Variants in TXLNB observed in about 807,000 individuals in gnomAD.
TXLNB encodes the protein taxilin beta.
TXLNB carries 37 observed loss-of-function variants against 57.4 expected under a neutral mutation model. That is an observed-to-expected ratio of 0.64 (90% confidence interval 0.50 to 0.85). TXLNB has a LOEUF of 0.85. TXLNB is among the 40% of genes least tolerant of loss of function. The probability of loss-of-function intolerance (pLI) is 0.00; values close to 1 mark genes in which losing one functional copy is unlikely to be tolerated. For missense variants in TXLNB, 848 were observed against 825.6 expected, an observed-to-expected ratio of 1.03 and a Z score of -0.33; for synonymous variants, 302 against 309.6, an observed-to-expected ratio of 0.98 and a Z score of 0.26.
the TXLNB span, chr6:139,166,913 G>T: frequency 6.2e-7 from 1 of 1,613,994 alleles, no homozygotes; most frequent in Non-Finnish European, 8.5e-7. Flanking sequence ...CTTAAAGAAC[G>T]CCATCCATCT....
At chr6:139,264,920 A>G (rs1776576438) in intron 4 of TXLNB, among the ~76,000 whole-genome samples, 2 of 152,168 alleles carry the variant, frequency 1.3e-5, no homozygotes. Context: ...ATTTGAGTCC[A>G]TTGTTAGAAG....
At chr6:139,206,588 A>C in the TXLNB span, among the ~76,000 whole-genome samples, 1 of 152,184 alleles carries the variant, frequency 6.6e-6, no homozygotes, top group Non-Finnish European at 1.5e-5. Flanking sequence ...GAATCGCTTC[A>C]ACCCAGGAGG....
the TXLNB span, among the ~76,000 whole-genome samples, chr6:139,190,802 G>A: frequency 6.6e-6 from 1 of 152,116 alleles, no homozygotes; most frequent in African/African-American, 2.4e-5. Context: ...CTTTTCACAG[G>A]TGTTGAAGGT....
the TXLNB span, among the ~76,000 whole-genome samples, chr6:139,187,846 C>T: frequency 6.6e-6 from 1 of 152,184 alleles, no homozygotes; most frequent in South Asian, 2.1e-4. Context: ...CCTTACTTCC[C>T]TCACCTGTAA....
Position 139,248,056 on chromosome 6 carries a change from T to C in TXLNB, c.1078-147A>G, listed in dbSNP as rs141231026. The C allele has an allele frequency of 2.4e-3, 1,134 of 466,780 alleles. 10 individuals carry two copies. Among genetic ancestry groups the C allele is most frequent in the African/African-American group, 0.021 (1,040 of 49,470 alleles). The allele number at this position is 466,780 out of a possible 1,614,324, so 28.9% of individuals were successfully genotyped here. A position where few individuals can be genotyped will look rare whatever the true frequency, so the allele number is the denominator to read the frequency against. Reference sequence around the variant, plus strand: ...CAAGATTAACCTAGGCCAGTGAGCATGATTGAAATGCTTCTTTAAAGAAAA... The same window carrying C: ...CAAGATTAACCTAGGCCAGTGAGCACGATTGAAATGCTTCTTTAAAGAAAA... On this transcript the variant is annotated intron_variant, in intron 7 of 9. Transcript: ENST00000358430.
At chr6:139,299,457 G>A in the TXLNB span, among the ~76,000 whole-genome samples, 1 of 152,210 alleles carries the variant, frequency 6.6e-6, no homozygotes, top group African/African-American at 2.4e-5. Context: ...ACTGTTAATA[G>A]TCCCAACTTT....
At position 139,288,811 on chromosome 6, in the gene TXLNB, A is replaced by C; in HGVS notation, c.89T>G (p.Leu30Arg). ...DSSSLPSHNGLEKEDGQDSPT... is the reference protein window; with the variant it reads ...DSSSLPSHNGREKEDGQDSPT... The stretch of plus-strand genomic sequence containing the variant: ...AGAATCCTGGCCATCTTCCTTCTCC[A>C]GGCCATTGTGACTGGGTAATGATGA... The change falls in exon 2 of 10, where the codon CTG becomes CGG. Residue 30 changes from leucine (L) to arginine (R), a missense_variant. Physicochemically the swap from Leu to Arg is moderately radical, Grantham distance 102. Transcript: ENST00000358430. 6.2e-7 allele frequency: 1 copy of C among 1,614,194 alleles called. No homozygotes were observed.
the TXLNB span, among the ~76,000 whole-genome samples, chr6:139,217,621 C>T: frequency 6.6e-6 from 1 of 151,998 alleles, no homozygotes; most frequent in Non-Finnish European, 1.5e-5. Context: ...GTAATCCTGG[C>T]ACTTTGGGAG....
At chr6:139,234,538 C>T in the TXLNB span, 4 of 152,396 alleles carry the variant, frequency 2.6e-5, no homozygotes, top group East Asian at 7.7e-4. Flanking sequence ...GGGTGCAAGC[C>T]CCAAGCCTTG....
chr6:139,243,014 T>C lies in TXLNB; in HGVS notation c.1567A>G (p.Thr523Ala), dbSNP rs749843582. 1.1e-5 allele frequency: 18 copies of C among 1,613,912 alleles called. No homozygotes were observed. Among genetic ancestry groups the C allele is most frequent in the Non-Finnish European group, 1.4e-5 (16 of 1,180,002 alleles). Reference sequence around the variant, plus strand: ...TGAGAACTGCCTATTTCGGGTTGGGTTTCTTTGGACTGGTGCGGGGTTGAC... The same window carrying C: ...TGAGAACTGCCTATTTCGGGTTGGGCTTCTTTGGACTGGTGCGGGGTTGAC... ...PESTPHQSKETQPEIGSSQES... is the reference protein window; with the variant it reads ...PESTPHQSKEAQPEIGSSQES... Residue 523 changes from threonine to alanine, a missense_variant, in exon 10 of 10, where the codon ACC (threonine) becomes GCC (alanine). Coordinates refer to ENST00000358430, the MANE Select transcript of TXLNB (RefSeq NM_153235.4).
chr6:139,185,816 C>T, the TXLNB span, among the ~76,000 whole-genome samples: 1 of 152,134 alleles, frequency 6.6e-6, no homozygotes. Flanking sequence ...CCTTTTTCTT[C>T]TACCTGTTGT....
At chr6:139,247,529 CTTCT>C (rs1776094354) in intron 8 of TXLNB, among the ~76,000 whole-genome samples, 2 of 97,074 alleles carry the variant, frequency 2.1e-5, no homozygotes, top group South Asian at 3.1e-4. Context: ...TAGCTCTGGT[CTTCT>C]TTTTTTTTTT....
At chr6:139,279,758 T>C (rs1447459384) in intron 2 of TXLNB, among the ~76,000 whole-genome samples, 2 of 152,218 alleles carry the variant, frequency 1.3e-5, no homozygotes, top group Non-Finnish European at 1.5e-5. Flanking sequence ...AGGAATCACC[T>C]GCCTTCTCCC....
intron 8 of TXLNB, among the ~76,000 whole-genome samples, chr6:139,247,532 CTTTTT>C (rs61368061): frequency 1.6e-5 from 1 of 63,078 alleles, no homozygotes; most frequent in African/African-American, 6.1e-5. Flanking sequence ...CTCTGGTCTT[CTTTTT>C]TTTTTTTTTT....
At chr6:139,180,666 T>C in the TXLNB span, 1 of 152,642 alleles carries the variant, frequency 6.6e-6, no homozygotes, top group Non-Finnish European at 1.5e-5. Context: ...GATTGCACTT[T>C]TGTTGAGGAA....
At chr6:139,250,177 C>CTTTT (rs529236500) in intron 7 of TXLNB, among the ~76,000 whole-genome samples, 9 of 124,420 alleles carry the variant, frequency 7.2e-5, no homozygotes, top group African/African-American at 2.7e-4. Flanking sequence ...CCATGTCTGG[C>CTTTT]TTTTTTTTTT....
chr6:139,308,246 T>G, the TXLNB span, among the ~76,000 whole-genome samples: 1 of 152,210 alleles, frequency 6.6e-6, no homozygotes. Flanking sequence ...GTATGGTTAT[T>G]GCTATATAAG....
At chr6:139,277,014 C>G in intron 2 of TXLNB, 93 bp from the exon 3 acceptor site, 1 of 884,716 alleles carries the variant, frequency 1.1e-6, no homozygotes, top group Non-Finnish European at 1.7e-6. Flanking sequence ...CTAATTATTC[C>G]CAACCTTGGC....
chr6:139,237,413 G>A (rs1250279370), downstream of TXLNB: 4 of 151,644 alleles, frequency 2.6e-5, no homozygotes, highest in African/African-American at 7.3e-5. Context: ...GCTGAGGCAG[G>A]AGAATCGCTT....
Sources: gnomAD v4.1 joint callset for allele counts (sites outside exome capture counted in the v4.1 genomes callset) on GRCh38, gnomAD v4.1.1 for gene constraint, MANE v1.5 for transcripts, NCBI Gene and HGNC (gene_info 2026-07-23, HGNC 2026-07-21) for gene names.